RAB19: variants seen among roughly 807,000 people sequenced by gnomAD.
The protein encoded by RAB19 is RAB19, member RAS oncogene family, also known as ras-related protein Rab-19.
RAB19 carries 21 observed loss-of-function variants against 17.3 expected under a neutral mutation model. The ratio of observed to expected loss-of-function variants is 1.21; its 90% CI spans 0.86 to 1.74. The LOEUF is 1.74. Among genes scored for constraint, RAB19 ranks in the 40% most tolerant of loss-of-function variants. The pLI is 0.00. For missense variants in RAB19, 277 were observed against 286.8 expected (o/e 0.97, Z 0.25); for synonymous variants, 126 against 110.4 (o/e 1.14, Z -0.88).
chr7:140,414,178 G>T (rs1799414970), intron 3 of RAB19, among the ~76,000 whole-genome samples: 1 of 152,082 alleles, frequency 6.6e-6, no homozygotes, highest in Admixed American at 6.6e-5. Flanking sequence ...CCAAGTAGCT[G>T]GGATTACAGG....
chr7:140,404,097 C>T lies in RAB19; in HGVS notation c.-144C>T, dbSNP rs1339381274. 3.3e-5 allele frequency: 5 copies of T among 152,422 alleles called. No homozygotes were observed. Among genetic ancestry groups the T allele is most frequent in the Admixed American group, 1.3e-4 (2 of 15,250 alleles). The allele number at this position is 152,422 out of a possible 1,614,324, so 9.4% of individuals were successfully genotyped here. A position where few individuals can be genotyped will look rare whatever the true frequency, so the allele number is the denominator to read the frequency against. On this transcript the variant is annotated 5_prime_UTR_variant, in exon 1 of 4. Transcript: ENST00000537763. The stretch of plus-strand genomic sequence containing the variant: ...CCAAACCCGACACCTGGGGCCAGAA[C>T]TACACTTCCCACCAAGCAGCGAGGC...
chr7:140,405,250 C>A (rs1409549915), intron 1 of RAB19, among the ~76,000 whole-genome samples: 1 of 152,004 alleles, frequency 6.6e-6, no homozygotes, highest in East Asian at 1.9e-4. Flanking sequence ...AACGGAGTTT[C>A]GCTCTTGTTG....
At chr7:140,406,388 C>T (rs1471387185) in intron 1 of RAB19, among the ~76,000 whole-genome samples, 1 of 151,858 alleles carries the variant, frequency 6.6e-6, no homozygotes, top group African/African-American at 2.4e-5. Context: ...GCCTGTAATC[C>T]CAGCACTTTG....
intron 3 of RAB19, among the ~76,000 whole-genome samples, chr7:140,417,490 C>T (rs1007977029): frequency 1.3e-5 from 2 of 151,998 alleles, no homozygotes; most frequent in East Asian, 1.9e-4. Context: ...CTTTTCCCAC[C>T]ACATCCCTTC....
Position 140,426,511 on chromosome 7 carries a change from G to C in RAB19, c.*361G>C, listed in dbSNP as rs951989385. ...TGTTTCTTGCTTGAAGAAGAGGGTA[G>C]TGAAGGAAAGGAGGAAGGCAAAACA... On this transcript the variant is annotated 3_prime_UTR_variant, in exon 4 of 4. Coordinates refer to ENST00000537763, the MANE Select transcript of RAB19 (RefSeq NM_001008749.3). Among the ~76,000 whole-genome samples the C allele has an allele frequency of 9.2e-5, 14 of 152,182 alleles. No individual in the cohort carries two copies. Among genetic ancestry groups the C allele is most frequent in the African/African-American group, 3.4e-4 (14 of 41,446 alleles).
At chr7:140,424,014 CA>C (rs1799607449) in intron 3 of RAB19, among the ~76,000 whole-genome samples, 2 of 151,974 alleles carry the variant, frequency 1.3e-5, no homozygotes, top group African/African-American at 4.8e-5. Context: ...CCACCATACC[CA>C]GCTAATTTTT....
At chr7:140,421,303 T>C (rs1353091344) in intron 3 of RAB19, among the ~76,000 whole-genome samples, 3 of 152,146 alleles carry the variant, frequency 2.0e-5, no homozygotes, top group African/African-American at 7.2e-5. Context: ...GCAATCCTCC[T>C]GCCTCAATCT....
intron 3 of RAB19, among the ~76,000 whole-genome samples, chr7:140,419,371 G>T (rs570148587): frequency 6.6e-6 from 1 of 151,858 alleles, no homozygotes; most frequent in Non-Finnish European, 1.5e-5. Flanking sequence ...GCCTCGTCTT[G>T]TTTTGCTATT....
intron 3 of RAB19, among the ~76,000 whole-genome samples, chr7:140,417,618 T>C (rs1316779923): frequency 6.6e-6 from 1 of 152,184 alleles, no homozygotes; most frequent in Non-Finnish European, 1.5e-5. Context: ...ACGAGCTTCC[T>C]GTGGCTGCTG....
chr7:140,424,607 CTCTCTCTCTCTCTATA>C (rs770815720), intron 3 of RAB19, among the ~76,000 whole-genome samples: 6,443 of 95,034 alleles, frequency 0.068, 133 homozygotes, highest in Middle Eastern at 0.089. Context: ...CTCTCTCTCT[CTCTCTCTCTCTCTATA>C]TATATATATA....
chr7:140,405,470 C>T (rs1012248248), intron 1 of RAB19, among the ~76,000 whole-genome samples: 1 of 152,002 alleles, frequency 6.6e-6, no homozygotes, highest in African/African-American at 2.4e-5. Context: ...GATCCGCCTG[C>T]CTCAGCCTCC....
intron 3 of RAB19, among the ~76,000 whole-genome samples, chr7:140,425,376 C>T (rs1013906432): frequency 6.6e-6 from 1 of 152,102 alleles, no homozygotes; most frequent in East Asian, 1.9e-4. Context: ...TAAATGAGCT[C>T]CATCTCACAC....
At chr7:140,417,177 A>C (rs990050968) in intron 3 of RAB19, among the ~76,000 whole-genome samples, 2 of 150,122 alleles carry the variant, frequency 1.3e-5, no homozygotes, top group African/African-American at 4.9e-5. Flanking sequence ...CAGAGGCTGC[A>C]GTGAGCCGAG....
At chr7:140,410,313 C>CT (rs762151021) in intron 2 of RAB19, among the ~76,000 whole-genome samples, 3,472 of 80,750 alleles carry the variant, frequency 0.043, 365 homozygotes, top group African/African-American at 0.054. Context: ...TTGTATTTTT[C>CT]TTTTTTTTTT....
At chr7:140,410,865 C>T in intron 2 of RAB19, 1 of 1,243,166 alleles carries the variant, frequency 8.0e-7, no homozygotes, top group African/African-American at 1.5e-5. Context: ...CCCTCAGACA[C>T]TGTGAGAGGC....
rs1048954314 is a variant in RAB19 at position 140,427,494 on chromosome 7, C to A, written c.*1344C>A. Among the ~76,000 whole-genome samples, 2 of 144,458 alleles carry A rather than the reference C, an allele frequency of 1.4e-5. No homozygotes were observed. Among genetic ancestry groups the A allele is most frequent in the Admixed American group, 1.4e-4 (2 of 13,870 alleles). 94.8% of individuals were successfully genotyped at this position (144,458 alleles called of 152,430 possible). A position where few individuals can be genotyped will look rare whatever the true frequency, so the allele number is the denominator to read the frequency against. On this transcript the variant is annotated 3_prime_UTR_variant, in exon 4 of 4. Transcript: ENST00000537763. The stretch of plus-strand genomic sequence containing the variant: ...GAGACAGAGTTTCGCTCTTGTTGCC[C>A]AGGCTGGAGTGCAATGGTGTGACCT...
intron 1 of RAB19, among the ~76,000 whole-genome samples, chr7:140,406,216 C>G (rs1799238159): frequency 7.2e-6 from 1 of 137,968 alleles, no homozygotes; most frequent in South Asian, 2.3e-4. Context: ...CCATTGCATT[C>G]CAGCCTGGGC....
intron 3 of RAB19, among the ~76,000 whole-genome samples, chr7:140,425,406 T>C (rs376247534): frequency 1.3e-5 from 2 of 152,000 alleles, no homozygotes; most frequent in East Asian, 3.9e-4. Flanking sequence ...CACTCTGCTG[T>C]TTGAGGGGGA....
In RAB19 at chr7:140,407,879, CCT is replaced by C. The variant is rs1491258146; in HGVS notation, c.201+33_201+34del. The C allele has an allele frequency of 3.4e-3, 2,914 of 846,894 alleles. 30 individuals carry two copies. Among genetic ancestry groups the C allele is most frequent in the Non-Finnish European group, 4.1e-3 (2,302 of 567,888 alleles). 52.5% of individuals were successfully genotyped at this position (846,894 alleles called of 1,614,324 possible). A position where few individuals can be genotyped will look rare whatever the true frequency, so the allele number is the denominator to read the frequency against. On this transcript the variant is annotated intron_variant, in intron 2 of 3. Transcript: ENST00000537763. ...GGGCACCGGGACGGGACTGGTTCCA[CCT>C]TTTTTTTTTTTTTTTTTTTTTTTTT...
Sources: gnomAD v4.1 joint callset for allele counts (sites outside exome capture counted in the v4.1 genomes callset) on GRCh38, gnomAD v4.1.1 for gene constraint, MANE v1.5 for transcripts, NCBI Gene and HGNC (gene_info 2026-07-23, HGNC 2026-07-21) for gene names.